MFAP3L: variants seen among roughly 807,000 people sequenced by gnomAD.
MFAP3L encodes the protein microfibril associated protein 3 like.
A neutral mutation model predicts 20.0 loss-of-function variants in MFAP3L; 5 were observed. That is an observed-to-expected ratio of 0.25 (90% CI 0.13 to 0.53). The LOEUF (loss-of-function observed/expected upper bound fraction) is 0.53, where lower values mean the gene tolerates loss of function less well. Among genes scored for constraint, MFAP3L ranks in the 20% least tolerant of loss-of-function variants. MFAP3L has a pLI of 0.96. For missense variants in MFAP3L, 409 were observed against 527.5 expected (o/e 0.78, Z 2.20); for synonymous variants, 219 against 213.0 (o/e 1.03, Z -0.25).
chr4:170,007,752 G>A (rs183713082), intron 1 of MFAP3L, among the ~76,000 whole-genome samples: 1 of 152,140 alleles, frequency 6.6e-6, no homozygotes, highest in Non-Finnish European at 1.5e-5. Flanking sequence ...CCCCTTAGGT[G>A]TATTCTGTGG....
At chr4:170,026,056 C>T (rs1730372294) in intron 1 of MFAP3L, among the ~76,000 whole-genome samples, 178 bp downstream of exon 1, 1 of 151,990 alleles carries the variant, frequency 6.6e-6, no homozygotes, top group African/African-American at 2.4e-5. Context: ...TCCTGCGACC[C>T]CCTGGAGCCC....
intron 1 of MFAP3L, among the ~76,000 whole-genome samples, chr4:170,013,193 T>C (rs1739490438): frequency 6.6e-6 from 1 of 152,320 alleles, no homozygotes; most frequent in East Asian, 1.9e-4. Context: ...CTCAGAAATA[T>C]ACTGTTTAAA....
rs567351831 is a variant in MFAP3L, at chr4:170,008,956, G to T, written c.-133-2946C>A. ...AGCCATGCTTATATGGAATCCAACGGCAATTATTTAAGAACAAATTACAAT... is the reference window on the plus strand; with the variant it reads ...AGCCATGCTTATATGGAATCCAACGTCAATTATTTAAGAACAAATTACAAT... On this transcript the variant is annotated intron_variant, in intron 1 of 2. Transcript: ENST00000361618. 2.0e-5 allele frequency among the ~76,000 whole-genome samples: 3 copies of T among 152,288 alleles called. No individual in the cohort carries two copies. In the South Asian group the frequency reaches 6.2e-4, roughly 32 times the overall value.
intron 1 of MFAP3L, among the ~76,000 whole-genome samples, chr4:170,006,285 G>C (rs1394792400): frequency 6.6e-6 from 1 of 151,918 alleles, no homozygotes; most frequent in African/African-American, 2.4e-5. Context: ...GCTAATTTTT[G>C]TATTTTTAGT....
At chr4:169,994,012 G>A (rs1001142374) in intron 2 of MFAP3L, among the ~76,000 whole-genome samples, 1 of 152,088 alleles carries the variant, frequency 6.6e-6, no homozygotes, top group Non-Finnish European at 1.5e-5. Flanking sequence ...AATATACAAT[G>A]ACCTGAGGCC....
Position 170,026,286 on chromosome 4 carries a change from G to A in MFAP3L, c.-186C>T, listed in dbSNP as rs1054395382. On this transcript the variant is annotated 5_prime_UTR_variant, in exon 1 of 3. Coordinates refer to ENST00000361618, the MANE Select transcript of MFAP3L (RefSeq NM_021647.8). ...CGCCGTGCACCCCTCGCCATGGCCA[G>A]CCCGACAGCGGCCGCTGCGCCGCAC... 6.1e-6 allele frequency: 6 copies of A among 984,156 alleles called. No individual in the cohort carries two copies. The highest frequency in any genetic ancestry group is 7.2e-6 in the Non-Finnish European group (6 of 829,498). The allele number at this position is 984,156 out of a possible 1,614,324, so 61.0% of individuals were successfully genotyped here.
At chr4:170,008,380 T>C (rs1199521712) in intron 1 of MFAP3L, among the ~76,000 whole-genome samples, 1 of 152,210 alleles carries the variant, frequency 6.6e-6, no homozygotes, top group African/African-American at 2.4e-5. Flanking sequence ...CACTAATGAA[T>C]TAATAGTTTT....
intron 1 of MFAP3L, among the ~76,000 whole-genome samples, chr4:170,017,719 G>A (rs1739788460): frequency 6.6e-6 from 1 of 152,172 alleles, no homozygotes; most frequent in African/African-American, 2.4e-5. Context: ...TAGTGGTTAA[G>A]ATCAGTCTTC....
chr4:170,007,848 G>C (rs1320138649), intron 1 of MFAP3L, among the ~76,000 whole-genome samples: 1 of 152,096 alleles, frequency 6.6e-6, no homozygotes, highest in Non-Finnish European at 1.5e-5. Flanking sequence ...AAATACCACA[G>C]GGGAGAATCA....
At chr4:170,005,436 AT>A in intron 2 of MFAP3L, 143 bp downstream of exon 2, 1 of 919,758 alleles carries the variant, frequency 1.1e-6, no homozygotes. Flanking sequence ...ATCCTTAAGG[AT>A]ATATATTCTC....
Position 170,005,903 on chromosome 4 carries a change from T to C in MFAP3L, c.-26A>G, listed in dbSNP as rs201578872. The C allele has an allele frequency of 9.2e-5, 148 of 1,602,824 alleles. 1 individual carries two copies. Among genetic ancestry groups the C allele is most frequent in the East Asian group, 3.1e-4 (14 of 44,598 alleles). On this transcript the variant is annotated 5_prime_UTR_variant, in exon 2 of 3. Transcript: ENST00000361618. Reference sequence around the variant, plus strand: ...CTTCTTTGCTTGCTCTGTAAGGCAATAGAGAGATGGTTTGCCAACCGAATC... The same window carrying C: ...CTTCTTTGCTTGCTCTGTAAGGCAACAGAGAGATGGTTTGCCAACCGAATC...
In MFAP3L at chr4:169,991,370, G is replaced by A; in HGVS notation, c.*8C>T. The A allele has an allele frequency of 6.2e-7, 1 of 1,608,116 alleles. No homozygotes were observed. The highest frequency in any genetic ancestry group is 8.5e-7 in the Non-Finnish European group (1 of 1,176,370). On this transcript the variant is annotated 3_prime_UTR_variant, in exon 3 of 3. Transcript: ENST00000361618. This position sits in a 1 kb window ranked among gnomAD's most constrained non-coding sequence, Gnocchi z 4.9. Reference sequence around the variant, plus strand: ...TTTCTTGATATGCATAGCTTTTCGGGGTTGGTATTAGACATGGCTTTCGTA... The same window carrying A: ...TTTCTTGATATGCATAGCTTTTCGGAGTTGGTATTAGACATGGCTTTCGTA...
intron 2 of MFAP3L, among the ~76,000 whole-genome samples, chr4:169,997,325 T>A (rs1738250397): frequency 6.6e-6 from 1 of 151,410 alleles, no homozygotes; most frequent in Admixed American, 6.6e-5. Flanking sequence ...CACCAGTGGA[T>A]CAGATTTCCC....
intron 1 of MFAP3L, among the ~76,000 whole-genome samples, chr4:170,010,306 A>C (rs2111025571): frequency 6.6e-6 from 1 of 152,374 alleles, no homozygotes; most frequent in East Asian, 1.9e-4. Context: ...GCGATTAAAA[A>C]AAATGAGAAC....
Position 169,991,648 on chromosome 4 carries a change from T to G in MFAP3L, c.960A>C (p.Ser320=). Residue 320 remains serine, a synonymous_variant, in exon 3 of 3, where the codon TCA becomes TCC. Coordinates refer to ENST00000361618, the MANE Select transcript of MFAP3L (RefSeq NM_021647.8). The surrounding 1 kb of genome is among the most constrained non-coding windows in gnomAD (Gnocchi z 4.9). The part of the protein sequence containing the change: ...EQPQQIAIKV[S]VHPQSKKEHA... ...GCTCTTTTTTGGACTGCGGGTGAAC[T>G]GACACCTTGATGGCAATTTGCTGAG... 1 of 1,614,198 alleles carries G rather than the reference T, an allele frequency of 6.2e-7. No homozygotes were observed. Among genetic ancestry groups the G allele is most frequent in the Non-Finnish European group, 8.5e-7 (1 of 1,180,034 alleles).
At chr4:170,000,483 T>C (rs1259821355) in intron 2 of MFAP3L, among the ~76,000 whole-genome samples, 1 of 152,164 alleles carries the variant, frequency 6.6e-6, no homozygotes, top group South Asian at 2.1e-4. Flanking sequence ...TGCCACTTAC[T>C]GAGAGCTTGC....
rs575412230 is a variant in MFAP3L at position 170,006,792 on chromosome 4, C to T, written c.-133-782G>A. 7.2e-5 allele frequency: 11 copies of T among 152,376 alleles called. No individual in the cohort carries two copies. The East Asian group carries it at 2.1e-3, about 29-fold the overall frequency. 9.4% of individuals were successfully genotyped at this position (152,376 alleles called of 1,614,324 possible). A position where few individuals can be genotyped will look rare whatever the true frequency, so the allele number is the denominator to read the frequency against. The stretch of plus-strand genomic sequence containing the variant: ...TCACTCTGGCATTCTCCTAACTACC[C>T]ATTATAGCTTCCAGAATGCTCCTTA... On this transcript the variant is annotated intron_variant, in intron 1 of 2. Coordinates refer to ENST00000361618, the MANE Select transcript of MFAP3L (RefSeq NM_021647.8).
chr4:169,995,413 T>C (rs1738070464), intron 2 of MFAP3L, among the ~76,000 whole-genome samples: 1 of 152,136 alleles, frequency 6.6e-6, no homozygotes, highest in Admixed American at 6.6e-5. Flanking sequence ...TGCCCTTCCA[T>C]TAGTGAAAAA....
Position 170,026,379 on chromosome 4 carries a change from G to A in MFAP3L, c.-279C>T, listed in dbSNP as rs553203981. On this transcript the variant is annotated 5_prime_UTR_variant, in exon 1 of 3. Transcript: ENST00000361618. The stretch of plus-strand genomic sequence containing the variant: ...CTCCGCCGGCGCCTCACAGCGTTGC[G>A]AGCTGCGCCGCCGGCTGCCGGGAGC... 5.2e-6 allele frequency: 4 copies of A among 763,372 alleles called. No homozygotes were observed. In the African/African-American group the frequency reaches 5.7e-5, roughly 11 times the overall value. 47.3% of individuals were successfully genotyped at this position (763,372 alleles called of 1,614,324 possible). A position where few individuals can be genotyped will look rare whatever the true frequency, so the allele number is the denominator to read the frequency against.
Sources: gnomAD v4.1 joint callset for allele counts (sites outside exome capture counted in the v4.1 genomes callset) on GRCh38, gnomAD v4.1.1 for gene constraint, Gnocchi (gnomAD v3.1) non-coding constraint, MANE v1.5 for transcripts, NCBI Gene and HGNC (gene_info 2026-07-23, HGNC 2026-07-21) for gene names.